HIVEP3: variants seen among roughly 807,000 people sequenced by gnomAD.
HIVEP3 encodes the protein transcription factor HIVEP3.
In HIVEP3, 49 loss-of-function variants were observed where a neutral mutation model predicts 152.8. The observed-to-expected ratio is 0.32, with a 90% CI of 0.26 to 0.41. The LOEUF is 0.41. Among genes scored for constraint, HIVEP3 ranks in the 10% least tolerant of loss-of-function variants. The pLI is 1.00. For missense variants in HIVEP3, 2,790 were observed against 3,103.3 expected (o/e 0.90, Z 2.40); for synonymous variants, 1,269 against 1,289.0 (o/e 0.98, Z 0.33).
chr1:41,840,981 C>T (rs761087005), intron 1 of HIVEP3, among the ~76,000 whole-genome samples: 3 of 152,252 alleles, frequency 2.0e-5, no homozygotes, highest in Non-Finnish European at 4.4e-5. Context: ...ACTTTATTAA[C>T]TTGCTAAATC....
intron 1 of HIVEP3, among the ~76,000 whole-genome samples, chr1:41,767,864 G>A (rs532498479): frequency 6.6e-6 from 1 of 152,270 alleles, no homozygotes; most frequent in East Asian, 1.9e-4. Flanking sequence ...TGTTTGTCAG[G>A]AAATGAACAA....
chr1:41,861,647 T>A (rs1324944266), intron 1 of HIVEP3, among the ~76,000 whole-genome samples: 1 of 152,118 alleles, frequency 6.6e-6, no homozygotes, highest in Non-Finnish European at 1.5e-5. Flanking sequence ...TTTCCAGCCC[T>A]GGGAGGAGGA....
upstream of HIVEP3, among the ~76,000 whole-genome samples, chr1:41,922,107 T>C (rs907820355): frequency 3.9e-5 from 6 of 152,204 alleles, no homozygotes; most frequent in African/African-American, 1.4e-4. Context: ...TTCCTTAACC[T>C]GAAGAAAGTC....
intron 1 of HIVEP3, among the ~76,000 whole-genome samples, chr1:41,915,717 G>T (rs749948936): frequency 3.3e-5 from 5 of 152,140 alleles, no homozygotes; most frequent in South Asian, 2.1e-4. Context: ...GTTACTAAAC[G>T]TATCTCATTT....
chr1:41,601,146 G>C (rs1644743341), intron 3 of HIVEP3, among the ~76,000 whole-genome samples: 1 of 152,100 alleles, frequency 6.6e-6, no homozygotes, highest in African/African-American at 2.4e-5. Flanking sequence ...ATACTGTTTT[G>C]ATTAGTGTAA....
chr1:41,633,944 C>CA, intron 2 of HIVEP3, among the ~76,000 whole-genome samples: 1 of 152,278 alleles, frequency 6.6e-6, no homozygotes, highest in East Asian at 1.9e-4. Flanking sequence ...ACAGTCTCTA[C>CA]AAAAATGCTT....
At chr1:41,663,813 G>A (rs1381457843) in intron 2 of HIVEP3, among the ~76,000 whole-genome samples, 1 of 152,140 alleles carries the variant, frequency 6.6e-6, no homozygotes, top group Non-Finnish European at 1.5e-5. Context: ...CAGCTGCCAA[G>A]CTGCCCAGCT....
intron 1 of HIVEP3, among the ~76,000 whole-genome samples, chr1:42,014,531 T>A (rs1252287416): frequency 1.3e-5 from 2 of 152,094 alleles, no homozygotes; most frequent in Admixed American, 6.6e-5. Context: ...AATATCCACA[T>A]CCTGAGCTTC....
At chr1:41,628,969 C>T (rs1023626731) in intron 2 of HIVEP3, 22 bp from the exon 3 acceptor site, 1 of 1,228,978 alleles carries the variant, frequency 8.1e-7, no homozygotes, top group Non-Finnish European at 1.0e-6. Flanking sequence ...GATTGAGAAA[C>T]ATGGTCAAAG....
chr1:41,666,134 T>C (rs987622694), intron 2 of HIVEP3, among the ~76,000 whole-genome samples: 3 of 152,072 alleles, frequency 2.0e-5, no homozygotes, highest in African/African-American at 4.8e-5. Flanking sequence ...TGTGTGTGTG[T>C]GTGTGTGTAT....
At chr1:41,801,700 C>T (rs1033426369) in intron 1 of HIVEP3, among the ~76,000 whole-genome samples, 2 of 151,470 alleles carry the variant, frequency 1.3e-5, no homozygotes, top group Admixed American at 6.6e-5. Context: ...GCCGAGATCT[C>T]GCCACTGCAC....
chr1:41,606,811 T>C (rs564280760), intron 3 of HIVEP3, among the ~76,000 whole-genome samples: 1 of 151,924 alleles, frequency 6.6e-6, no homozygotes, highest in East Asian at 1.9e-4. Flanking sequence ...CTGGAGCATC[T>C]TGCATGACTG....
chr1:41,528,168 ACTC>A (rs1643070424), intron 5 of HIVEP3, among the ~76,000 whole-genome samples: 1 of 93,382 alleles, frequency 1.1e-5, no homozygotes, highest in South Asian at 3.7e-4. Context: ...TTGCCCTCAC[ACTC>A]CACATCCCCA....
In HIVEP3 at chr1:41,582,553, G is replaced by T; in HGVS notation, c.2245C>A (p.Leu749Ile). The change falls in exon 4 of 9, where the codon CTT becomes ATT. Residue 749 changes from leucine to isoleucine, a missense_variant. By Grantham distance (5) the Leu-to-Ile change is conservative. This residue lies in a region of HIVEP3 where 339 missense variants were observed against 327.0 expected (regional missense o/e 1.04). Transcript: ENST00000372583. This position sits in a 1 kb window ranked among gnomAD's most constrained non-coding sequence, Gnocchi z 4.7. ...GGTGACTTGGTGGACTCCAGGGGAA[G>T]GTTCCGAGCAGCATCAGATGGCCCG... ...SPGPSDAARN[L>I]PLESTKSPAE... is the part of the protein sequence containing the mutation. The T allele has an allele frequency of 6.2e-7, 1 of 1,611,528 alleles. No homozygotes were observed. The highest frequency in any genetic ancestry group is 8.5e-7 in the Non-Finnish European group (1 of 1,178,434).
intron 2 of HIVEP3, among the ~76,000 whole-genome samples, chr1:41,630,401 T>C (rs992137660): frequency 6.6e-6 from 1 of 152,160 alleles, no homozygotes; most frequent in Non-Finnish European, 1.5e-5. Flanking sequence ...AACCTGCACA[T>C]GTACCCCAAA....
At chr1:41,809,315 G>A (rs777884299) in intron 1 of HIVEP3, among the ~76,000 whole-genome samples, 9 of 152,174 alleles carry the variant, frequency 5.9e-5, no homozygotes, top group Non-Finnish European at 1.2e-4. Flanking sequence ...AGAGAGACTT[G>A]GAACAGTGTG....
rs990928779 is a variant in HIVEP3, at chr1:41,754,546, G to C, written c.-800-53551C>G. Among the ~76,000 whole-genome samples the C allele has an allele frequency of 5.3e-5, 8 of 152,192 alleles. No individual in the cohort carries two copies. In the East Asian group the frequency reaches 1.5e-3, roughly 29 times the overall value. ...TGCCTGCCGTACGTGTGGCTGCCTG[G>C]ACAGACGACTTAGTCTCCAGAAGCT... On this transcript the variant is annotated intron_variant, in intron 1 of 8. Coordinates refer to ENST00000372583, the MANE Select transcript of HIVEP3 (RefSeq NM_024503.5).
chr1:41,818,480 G>A (rs1642479517), intron 1 of HIVEP3, among the ~76,000 whole-genome samples: 1 of 152,146 alleles, frequency 6.6e-6, no homozygotes, highest in South Asian at 2.1e-4. Context: ...ATGAAGAAAT[G>A]TGTTCAAGTA....
intron 1 of HIVEP3, among the ~76,000 whole-genome samples, chr1:41,736,721 G>A (rs990211547): frequency 1.3e-5 from 2 of 152,186 alleles, no homozygotes; most frequent in African/African-American, 2.4e-5. Flanking sequence ...GGATGCCTGG[G>A]GATTAAGGCA....
Sources: allele counts gnomAD v4.1 joint callset (sites outside exome capture counted in the v4.1 genomes callset), GRCh38; gene constraint gnomAD v4.1.1; regional missense constraint gnomAD v4.1.1; non-coding constraint Gnocchi (gnomAD v3.1); transcripts MANE v1.5; gene names NCBI Gene and HGNC (gene_info 2026-07-23, HGNC 2026-07-21).